The following TMEM45A variants were observed in gnomAD, a reference collection of about 807,000 sequenced individuals.
TMEM45A encodes the protein DNA polymerase-transactivated protein 4.
Under a neutral mutation model 32.0 loss-of-function variants are expected in TMEM45A, and 25 were observed. That is an observed-to-expected ratio of 0.78 (90% confidence interval 0.57 to 1.09). TMEM45A has a LOEUF of 1.09. Among genes scored for constraint, TMEM45A ranks in the 50% least tolerant of loss-of-function variants. TMEM45A has a pLI of 0.00. For synonymous variants in TMEM45A, 122 were observed against 114.8 expected, an observed-to-expected ratio of 1.06 and a Z score of -0.40; for missense variants, 302 against 325.0, an observed-to-expected ratio of 0.93 and a Z score of 0.54.
intron 1 of TMEM45A, among the ~76,000 whole-genome samples, chr3:100,522,928 G>A (rs1397074578): frequency 2.6e-5 from 4 of 152,154 alleles, no homozygotes; most frequent in Non-Finnish European, 4.4e-5. Flanking sequence ...CTGTGGTTGC[G>A]CCCATTGCTT....
At position 100,555,469 on chromosome 3, in the gene TMEM45A, G is replaced by T. The variant is rs143708068; in HGVS notation, c.190+68G>T. Reference sequence around the variant, plus strand: ...TTTCATTCTTTTAAAGAATTGGTTGGAGCTTCTGAAATAATTTTATATCAA... The same window carrying T: ...TTTCATTCTTTTAAAGAATTGGTTGTAGCTTCTGAAATAATTTTATATCAA... On this transcript the variant is annotated intron_variant, in intron 2 of 5. Transcript: ENST00000323523. The T allele has an allele frequency of 9.3e-4, 1,335 of 1,441,298 alleles. 9 individuals are homozygous for T. The African/African-American group carries it at 0.018, about 19-fold the overall frequency. 89.3% of individuals were successfully genotyped at this position (1,441,298 alleles called of 1,614,324 possible). A position where few individuals can be genotyped will look rare whatever the true frequency, so the allele number is the denominator to read the frequency against.
intron 1 of TMEM45A, among the ~76,000 whole-genome samples, chr3:100,510,347 C>A (rs965447324): frequency 6.6e-6 from 1 of 152,216 alleles, no homozygotes; most frequent in Non-Finnish European, 1.5e-5. Flanking sequence ...AGGCACCCCC[C>A]AGCAGGGGCA....
intron 1 of TMEM45A, among the ~76,000 whole-genome samples, chr3:100,551,925 C>A (rs1275483096): frequency 6.6e-6 from 1 of 152,140 alleles, no homozygotes; most frequent in African/African-American, 2.4e-5. Context: ...TTCCCCATTG[C>A]CTCCTTATTA....
intron 1 of TMEM45A, among the ~76,000 whole-genome samples, chr3:100,554,237 T>C (rs1291358713): frequency 2.0e-5 from 3 of 152,006 alleles, no homozygotes; most frequent in African/African-American, 7.3e-5. Flanking sequence ...TAACCAGAAG[T>C]GACTCCACTA....
chr3:100,497,432 T>C (rs1181061554), intron 1 of TMEM45A, among the ~76,000 whole-genome samples: 2 of 152,232 alleles, frequency 1.3e-5, no homozygotes, highest in African/African-American at 4.8e-5. Context: ...ATCTTAACCA[T>C]TTTTAAGTAT....
chr3:100,571,249 A>G (rs1295579211), intron 5 of TMEM45A: 1 of 152,156 alleles, frequency 6.6e-6, no homozygotes, highest in East Asian at 1.9e-4. Flanking sequence ...GTGAACATGG[A>G]CAGCAGCCGT....
At chr3:100,571,799 T>A (rs1706567563) in intron 5 of TMEM45A, 1 of 152,170 alleles carries the variant, frequency 6.6e-6, no homozygotes, top group Non-Finnish European at 1.5e-5. Context: ...CCTTCTTGTG[T>A]CCATGTGTTC....
At chr3:100,541,504 T>C (rs1424942699) in intron 1 of TMEM45A, among the ~76,000 whole-genome samples, 1 of 150,652 alleles carries the variant, frequency 6.6e-6, no homozygotes, top group Non-Finnish European at 1.5e-5. Flanking sequence ...AATTGTTTTC[T>C]TTTTCTTTTC....
At chr3:100,511,735 T>C (rs374617994) in intron 1 of TMEM45A, among the ~76,000 whole-genome samples, 10 of 151,648 alleles carry the variant, frequency 6.6e-5, no homozygotes, top group South Asian at 2.1e-4. Context: ...ACCCATCTCA[T>C]GTGCAGAGAC....
At chr3:100,525,033 A>T (rs1409691194) in intron 1 of TMEM45A, among the ~76,000 whole-genome samples, 11 of 152,166 alleles carry the variant, frequency 7.2e-5, no homozygotes, top group Middle Eastern at 3.4e-3. Flanking sequence ...TAAAAAAATA[A>T]AAAAATTAGC....
chr3:100,511,440 A>G (rs1442916877), intron 1 of TMEM45A, among the ~76,000 whole-genome samples: 2 of 151,200 alleles, frequency 1.3e-5, no homozygotes, highest in Admixed American at 1.3e-4. Context: ...TTTTGTCACC[A>G]CCAGGCCTGC....
intron 1 of TMEM45A, among the ~76,000 whole-genome samples, chr3:100,516,463 T>C (rs563381158): frequency 6.6e-6 from 1 of 152,328 alleles, no homozygotes; most frequent in Non-Finnish European, 1.5e-5. Flanking sequence ...AGTTGATTTT[T>C]CTACAGGAAG....
At chr3:100,533,860 TTAAA>T (rs1278390573) in intron 1 of TMEM45A, among the ~76,000 whole-genome samples, 1 of 152,210 alleles carries the variant, frequency 6.6e-6, no homozygotes, top group East Asian at 1.9e-4. Flanking sequence ...TGAGGCAAAG[TTAAA>T]TAACATGCCC....
intron 1 of TMEM45A, among the ~76,000 whole-genome samples, chr3:100,533,848 A>G (rs560586023): frequency 6.6e-6 from 1 of 152,326 alleles, no homozygotes; most frequent in African/African-American, 2.4e-5. Context: ...TATAGAAGAA[A>G]TTGAGGCAAA....
intron 1 of TMEM45A, among the ~76,000 whole-genome samples, chr3:100,529,226 A>G (rs1006261208): frequency 1.3e-5 from 2 of 152,208 alleles, no homozygotes; most frequent in African/African-American, 4.8e-5. Flanking sequence ...AATTAACAGA[A>G]AAAAACCAGG....
At chr3:100,541,524 CTTTT>C (rs61341173) in intron 1 of TMEM45A, among the ~76,000 whole-genome samples, 110 of 111,246 alleles carry the variant, frequency 9.9e-4, no homozygotes, top group African/African-American at 2.6e-3. Flanking sequence ...CTTTTCTTTC[CTTTT>C]TTTTTTTTTT....
intron 2 of TMEM45A, among the ~76,000 whole-genome samples, chr3:100,555,848 A>G (rs1395272815): frequency 2.0e-5 from 3 of 152,202 alleles, no homozygotes; most frequent in Admixed American, 1.3e-4. Flanking sequence ...TATGGCATCA[A>G]ATTACACAGT....
At chr3:100,564,378 ATAGT>A (rs1706385893) in intron 4 of TMEM45A, among the ~76,000 whole-genome samples, 1 of 152,126 alleles carries the variant, frequency 6.6e-6, no homozygotes, top group African/African-American at 2.4e-5. Flanking sequence ...ATGTTGCCAG[ATAGT>A]TCTATTTTTA....
chr3:100,573,515 G>C (rs1289322582), intron 5 of TMEM45A: 1 of 152,182 alleles, frequency 6.6e-6, no homozygotes, highest in Non-Finnish European at 1.5e-5. Flanking sequence ...AGCTGATGGG[G>C]TTTTCTAGAT....
Sources: gnomAD v4.1 joint callset for allele counts (sites outside exome capture counted in the v4.1 genomes callset) on GRCh38, gnomAD v4.1.1 for gene constraint, MANE v1.5 for transcripts, NCBI Gene and HGNC (gene_info 2026-07-23, HGNC 2026-07-21) for gene names.